AP2B1: variants seen among roughly 807,000 people sequenced by gnomAD.
The protein encoded by AP2B1 is AP-2 complex subunit beta.
A neutral mutation model predicts 102.0 loss-of-function variants in AP2B1; 23 were observed. The ratio of observed to expected loss-of-function variants is 0.23; its 90% CI spans 0.16 to 0.32. The LOEUF is 0.32. Ranked by LOEUF, AP2B1 falls within the 10% of genes least tolerant of loss-of-function variation. The probability of loss-of-function intolerance (pLI) is 1.00; values close to 1 mark genes in which losing one functional copy is unlikely to be tolerated. For missense variants in AP2B1, 541 were observed against 1,157.4 expected (o/e 0.47, Z 7.73); for synonymous variants, 381 against 421.2 (o/e 0.90, Z 1.17).
chr17:35,654,766 G>C (rs2075175513), intron 13 of AP2B1, among the ~76,000 whole-genome samples: 1 of 151,864 alleles, frequency 6.6e-6, no homozygotes, highest in Admixed American at 6.6e-5. Flanking sequence ...ATGTTTGGAG[G>C]AATTCACAGT....
At chr17:35,646,700 C>T (rs1364730664) in intron 12 of AP2B1, among the ~76,000 whole-genome samples, 1 of 151,554 alleles carries the variant, frequency 6.6e-6, no homozygotes, top group African/African-American at 2.4e-5. Context: ...GTGATTCTCC[C>T]TCCTTAGCCT....
At chr17:35,667,008 G>C (rs2142931353) in intron 14 of AP2B1, among the ~76,000 whole-genome samples, 1 of 152,256 alleles carries the variant, frequency 6.6e-6, no homozygotes, top group East Asian at 1.9e-4. Context: ...AATAGCTACT[G>C]TCTAGTTCAG....
intron 9 of AP2B1, among the ~76,000 whole-genome samples, chr17:35,631,913 T>C (rs905299859): frequency 6.6e-6 from 1 of 152,192 alleles, no homozygotes; most frequent in Non-Finnish European, 1.5e-5. Flanking sequence ...GTAATTGAGA[T>C]GTTAACCCTT....
At chr17:35,723,227 A>C (rs1555593789) in intron 21 of AP2B1, among the ~76,000 whole-genome samples, 1 of 152,220 alleles carries the variant, frequency 6.6e-6, no homozygotes, top group Non-Finnish European at 1.5e-5. Flanking sequence ...TCCTCTTGTC[A>C]GACTGAGAAA....
intron 18 of AP2B1, among the ~76,000 whole-genome samples, chr17:35,684,727 A>G (rs1181662892): frequency 6.6e-6 from 1 of 152,218 alleles, no homozygotes; most frequent in Non-Finnish European, 1.5e-5. Flanking sequence ...CCAAATCTAC[A>G]TCTGTTCCCT....
intron 17 of AP2B1, among the ~76,000 whole-genome samples, 167 bp from the exon 18 acceptor site, chr17:35,682,528 G>A (rs1275709905): frequency 6.6e-6 from 1 of 151,678 alleles, no homozygotes; most frequent in Non-Finnish European, 1.5e-5. Context: ...ATTTTTAGTA[G>A]AGACAGGGTT....
At chr17:35,639,480 T>C in intron 10 of AP2B1, 115 bp from the exon 11 acceptor site, 1 of 803,556 alleles carries the variant, frequency 1.2e-6, no homozygotes, top group Non-Finnish European at 1.9e-6. Context: ...TAAAAGCTTT[T>C]ACAGTTTGGT....
At chr17:35,675,510 T>C (rs1301699298) in intron 17 of AP2B1, among the ~76,000 whole-genome samples, 1 of 152,238 alleles carries the variant, frequency 6.6e-6, no homozygotes, top group Admixed American at 6.5e-5. Context: ...GAGCTGGCCC[T>C]GTTAAAGGCC....
chr17:35,591,658 T>C (rs371689268), intron 1 of AP2B1, among the ~76,000 whole-genome samples: 26 of 152,230 alleles, frequency 1.7e-4, no homozygotes, highest in African/African-American at 6.3e-4. Context: ...TAATCGTTTC[T>C]GTTTACTGGT....
intron 6 of AP2B1, among the ~76,000 whole-genome samples, chr17:35,626,258 A>G (rs991894414): frequency 1.3e-5 from 2 of 152,186 alleles, no homozygotes; most frequent in Non-Finnish European, 2.9e-5. Flanking sequence ...TAGGTTGAGT[A>G]GAAATGGGCT....
chr17:35,726,386 TC>T lies in AP2B1; in HGVS notation c.*2688del, dbSNP rs1442994752. 6.6e-6 allele frequency: 1 copy of T among 152,204 alleles called. No homozygotes were observed. Among genetic ancestry groups the T allele is most frequent in the Non-Finnish European group, 1.5e-5 (1 of 68,042 alleles). The allele number at this position is 152,204 out of a possible 1,614,324, so 9.4% of individuals were successfully genotyped here. A position where few individuals can be genotyped will look rare whatever the true frequency, so the allele number is the denominator to read the frequency against. On this transcript the variant is annotated 3_prime_UTR_variant, in exon 22 of 22. Transcript: ENST00000610402. ...TTGGGGGAAGCTTGACCTTGTGTCT[TC>T]GTCAATAAACTCACATTTACACAAA...
intron 3 of AP2B1, among the ~76,000 whole-genome samples, chr17:35,599,221 T>C (rs1010603885): frequency 6.6e-6 from 1 of 152,262 alleles, no homozygotes; most frequent in African/African-American, 2.4e-5. Context: ...CCTTGTGCAG[T>C]TGTTTGAACT....
intron 5 of AP2B1, among the ~76,000 whole-genome samples, chr17:35,608,949 A>G (rs545939173): frequency 4.6e-5 from 7 of 152,338 alleles, no homozygotes; most frequent in African/African-American, 1.7e-4. Flanking sequence ...GAAGAAGGTC[A>G]AGTCCCAAGT....
chr17:35,688,304 T>C (rs971635474), intron 18 of AP2B1, among the ~76,000 whole-genome samples: 1 of 152,254 alleles, frequency 6.6e-6, no homozygotes, highest in Admixed American at 6.5e-5. Flanking sequence ...TCTGTCTTCA[T>C]ACTAGGTTAG....
intron 5 of AP2B1, among the ~76,000 whole-genome samples, chr17:35,609,068 A>G (rs2073779278): frequency 6.6e-6 from 1 of 152,244 alleles, no homozygotes; most frequent in Admixed American, 6.5e-5. Flanking sequence ...GAAAATAGCC[A>G]CTTTCTTTAA....
intron 18 of AP2B1, among the ~76,000 whole-genome samples, chr17:35,705,493 TAAA>T (rs1244486118): frequency 7.9e-5 from 12 of 152,050 alleles, no homozygotes; most frequent in African/African-American, 2.9e-4. Context: ...GTAAAAAAGG[TAAA>T]ACAGGAGATG....
intron 14 of AP2B1, among the ~76,000 whole-genome samples, chr17:35,662,288 C>T (rs940033261): frequency 1.3e-5 from 2 of 151,722 alleles, no homozygotes; most frequent in African/African-American, 4.8e-5. Context: ...ATTTTTTTAT[C>T]GCATTTCAGC....
At chr17:35,628,845 G>T (rs2074386450) in intron 9 of AP2B1, among the ~76,000 whole-genome samples, 1 of 151,996 alleles carries the variant, frequency 6.6e-6, no homozygotes, top group African/African-American at 2.4e-5. Context: ...TCAACTGTTG[G>T]CTTGCAAAAT....
At chr17:35,642,301 A>T (rs1156590680) in intron 12 of AP2B1, among the ~76,000 whole-genome samples, 1 of 91,068 alleles carries the variant, frequency 1.1e-5, no homozygotes, top group Non-Finnish European at 2.6e-5. Flanking sequence ...TTCAGCTTTC[A>T]AATGAAAGTA....
Sources: gnomAD v4.1 joint callset for allele counts (sites outside exome capture counted in the v4.1 genomes callset) on GRCh38, gnomAD v4.1.1 for gene constraint, MANE v1.5 for transcripts, NCBI Gene and HGNC (gene_info 2026-07-23, HGNC 2026-07-21) for gene names.